ADAMTS15: variants seen among roughly 807,000 people sequenced by gnomAD.
ADAMTS15 encodes the protein ADAM metallopeptidase with thrombospondin type 1 motif 15.
ADAMTS15 carries 35 observed loss-of-function variants against 79.1 expected under a neutral mutation model. The observed-to-expected ratio is 0.44, with a 90% CI of 0.34 to 0.59. The LOEUF (loss-of-function observed/expected upper bound fraction) is 0.59. ADAMTS15 is among the 20% of genes least tolerant of loss of function. The pLI is 0.02. For missense variants in ADAMTS15, 1,324 were observed against 1,318.7 expected, an observed-to-expected ratio of 1.00 and a Z score of -0.06; for synonymous variants, 616 against 567.3, an observed-to-expected ratio of 1.09 and a Z score of -1.22.
rs1938507983 is a variant in ADAMTS15, at chr11:130,473,491, A to G, written c.2523A>G (p.Ala841=). 1.2e-5 allele frequency: 20 copies of G among 1,610,692 alleles called. No individual in the cohort carries two copies. The highest frequency in any genetic ancestry group is 1.7e-5 in the Non-Finnish European group (20 of 1,178,564). Residue 841 remains alanine, a synonymous_variant, in exon 8 of 8, where the codon GCA becomes GCG. Coordinates refer to ENST00000299164, the MANE Select transcript of ADAMTS15 (RefSeq NM_139055.4). ...AGCAGCCGGACGACAGGCCCCCTGC[A>G]CGCTGGGTGGCTGGCAGCTGGGGGC... is the stretch of plus-strand genomic sequence containing the variant. ...QVEQPDDRPP[A]RWVAGSWGPC...
Position 130,462,881 on chromosome 11 carries a change from C to T in ADAMTS15, c.1542+101C>T. The stretch of plus-strand genomic sequence containing the variant: ...GTCTTCACCAGGAAGGTGCCTATCA[C>T]AGACTGGCCACGGGACCAGCACTGT... On this transcript the variant is annotated intron_variant, in intron 4 of 7. Coordinates refer to ENST00000299164, the MANE Select transcript of ADAMTS15 (RefSeq NM_139055.4). This position sits in a 1 kb window ranked among gnomAD's most constrained non-coding sequence, Gnocchi z 4.3. 1 of 1,478,266 alleles carries T rather than the reference C, an allele frequency of 6.8e-7. No homozygotes were observed. Among genetic ancestry groups the T allele is most frequent in the African/African-American group, 1.4e-5 (1 of 71,586 alleles). The allele number at this position is 1,478,266 out of a possible 1,614,324, so 91.6% of individuals were successfully genotyped here. A position where few individuals can be genotyped will look rare whatever the true frequency, so the allele number is the denominator to read the frequency against.
chr11:130,455,211 A>G (rs558151750), intron 1 of ADAMTS15, among the ~76,000 whole-genome samples: 91 of 152,302 alleles, frequency 6.0e-4, no homozygotes, highest in African/African-American at 2.2e-3. Context: ...GCCCCCAGTT[A>G]TGGTAGTTAT....
At chr11:130,468,556 G>A (rs1284622629) in intron 4 of ADAMTS15, among the ~76,000 whole-genome samples, 1 of 152,002 alleles carries the variant, frequency 6.6e-6, no homozygotes, top group Admixed American at 6.6e-5. Flanking sequence ...ACGAGGTCAG[G>A]AGATCGAGAC....
At chr11:130,460,377 A>T (rs1039151100) in intron 1 of ADAMTS15, among the ~76,000 whole-genome samples, 1 of 151,846 alleles carries the variant, frequency 6.6e-6, no homozygotes, top group Admixed American at 6.6e-5. Flanking sequence ...CCCAGGTTCA[A>T]GCGATTCTCC....
chr11:130,459,025 GTTTT>G (rs757221690), intron 1 of ADAMTS15, among the ~76,000 whole-genome samples: 2 of 75,406 alleles, frequency 2.7e-5, no homozygotes, highest in East Asian at 3.9e-4. Flanking sequence ...CCTCCCAAGT[GTTTT>G]TTTTTTTTTT....
intron 5 of ADAMTS15, 75 bp from the exon 6 acceptor site, chr11:130,470,845 T>A: frequency 1.3e-6 from 2 of 1,500,296 alleles, no homozygotes; most frequent in Non-Finnish European, 1.8e-6. Flanking sequence ...CACGGCAGGC[T>A]GGGAGGGAGG....
chr11:130,464,834 G>A (rs1222102502), intron 4 of ADAMTS15, among the ~76,000 whole-genome samples: 3 of 152,188 alleles, frequency 2.0e-5, no homozygotes, highest in Non-Finnish European at 4.4e-5. Context: ...GGATGTGGTG[G>A]CAGATGCTTG....
chr11:130,454,154 A>G (rs1250162071), intron 1 of ADAMTS15, among the ~76,000 whole-genome samples: 2 of 152,082 alleles, frequency 1.3e-5, no homozygotes, highest in Non-Finnish European at 2.9e-5. Context: ...TTGCCTCTTC[A>G]TATCATTTGA....
rs1938479851 is a variant in ADAMTS15 at position 130,472,592 on chromosome 11, G to A, written c.2079-455G>A. 6.6e-6 allele frequency among the ~76,000 whole-genome samples: 1 copy of A among 152,156 alleles called. No individual in the cohort carries two copies. On this transcript the variant is annotated intron_variant, in intron 7 of 7. Transcript: ENST00000299164. The surrounding 1 kb of genome is among the most constrained non-coding windows in gnomAD (Gnocchi z 4.7). ...GGCGTGTGAGCCAGGCTGGATCTGC[G>A]TCCCTGCCTCCAGGGCCAGTGTCCT...
intron 1 of ADAMTS15, among the ~76,000 whole-genome samples, chr11:130,458,342 G>A (rs1272750455): frequency 3.9e-5 from 6 of 152,192 alleles, no homozygotes; most frequent in Non-Finnish European, 8.8e-5. Context: ...TTACAGGCCC[G>A]AGCCACTGCA....
chr11:130,452,720 C>T (rs139346013), intron 1 of ADAMTS15, among the ~76,000 whole-genome samples: 2 of 152,332 alleles, frequency 1.3e-5, no homozygotes, highest in East Asian at 1.9e-4. Context: ...CAGTGGCTCA[C>T]GCCTGTAATC....
Position 130,470,129 on chromosome 11 carries a change from T to C in ADAMTS15, c.1720+690T>C, listed in dbSNP as rs1414490983. Among the ~76,000 whole-genome samples the C allele has an allele frequency of 4.6e-5, 4 of 87,628 alleles. No individual in the cohort carries two copies. The Admixed American group carries it at 4.7e-4, about 10-fold the overall frequency. The allele number at this position is 87,628 out of a possible 152,430, so 57.5% of individuals were successfully genotyped here. A position where few individuals can be genotyped will look rare whatever the true frequency, so the allele number is the denominator to read the frequency against. On this transcript the variant is annotated intron_variant, in intron 5 of 7. Transcript: ENST00000299164. ...GGTTCATTACTGAATCATATATATA[T>C]ATACATATATATATATATATATGTG...
chr11:130,460,696 A>G (rs1364426481), intron 1 of ADAMTS15, among the ~76,000 whole-genome samples: 1 of 152,170 alleles, frequency 6.6e-6, no homozygotes, highest in Non-Finnish European at 1.5e-5. Flanking sequence ...AAGTTCTTTG[A>G]GATATCCACC....
chr11:130,461,779 C>T (rs1032619701), intron 2 of ADAMTS15, among the ~76,000 whole-genome samples, 158 bp downstream of exon 2: 1 of 152,150 alleles, frequency 6.6e-6, no homozygotes, highest in African/African-American at 2.4e-5. Flanking sequence ...TTTCCGATTG[C>T]CCCAGCCCCG....
At chr11:130,470,184 G>GTATATATATATATATA (rs1281455253) in intron 5 of ADAMTS15, among the ~76,000 whole-genome samples, 3 of 50,172 alleles carry the variant, frequency 6.0e-5, no homozygotes, top group Admixed American at 2.1e-4. Context: ...ATATATATGT[G>GTATATATATATATATA]TGTATATATA....
rs1455038982 is a variant in ADAMTS15, at chr11:130,462,213, G to A, written c.1217G>A (p.Cys406Tyr). 6.2e-7 allele frequency: 1 copy of A among 1,614,176 alleles called. No individual in the cohort carries two copies. The highest frequency in any genetic ancestry group is 1.7e-5 in the Admixed American group (1 of 60,024). The stretch of plus-strand genomic sequence containing the variant: ...GACCGTGCCAACCCCTGGTCAGCCT[G>A]CAGTGCTGCCATCATCACCGACTTC... ...QIDRANPWSACSAAIITDFLD... is the reference protein window; with the variant it reads ...QIDRANPWSAYSAAIITDFLD... The change falls in exon 3 of 8, where the codon TGC (cysteine) becomes TAC (tyrosine). Residue 406 changes from cysteine (C) to tyrosine (Y), a missense_variant. Cys to Tyr is a radical substitution (Grantham distance 194). Coordinates refer to ENST00000299164, the MANE Select transcript of ADAMTS15 (RefSeq NM_139055.4). This position sits in a 1 kb window ranked among gnomAD's most constrained non-coding sequence, Gnocchi z 4.3.
At chr11:130,466,371 G>A (rs1256523843) in intron 4 of ADAMTS15, among the ~76,000 whole-genome samples, 3 of 152,174 alleles carry the variant, frequency 2.0e-5, no homozygotes, top group South Asian at 4.2e-4. Context: ...GAATCTGGAC[G>A]TGTCCATTGG....
intron 1 of ADAMTS15, among the ~76,000 whole-genome samples, chr11:130,454,030 C>G (rs990032028): frequency 1.1e-4 from 17 of 152,202 alleles, no homozygotes; most frequent in African/African-American, 4.1e-4. Context: ...GTTGCCCAGG[C>G]TGGTCTCAAA....
chr11:130,462,104 C>G lies in ADAMTS15; in HGVS notation c.1108C>G (p.Pro370Ala). 6.2e-7 allele frequency: 1 copy of G among 1,613,688 alleles called. No homozygotes were observed. Among genetic ancestry groups the G allele is most frequent in the Non-Finnish European group, 8.5e-7 (1 of 1,179,756 alleles). ...CCCCACAGGCCACGTGTTCAACATG[C>G]CCCATGACAATGTGAAAGTCTGTGA... ...AHELGHVFNMPHDNVKVCEEV... is the reference protein window; with the variant it reads ...AHELGHVFNMAHDNVKVCEEV... The change falls in exon 3 of 8, where the codon CCC becomes GCC. Residue 370 changes from proline to alanine, a missense_variant. Coordinates refer to ENST00000299164, the MANE Select transcript of ADAMTS15 (RefSeq NM_139055.4). The surrounding 1 kb of genome is among the most constrained non-coding windows in gnomAD (Gnocchi z 4.3).
Sources: allele counts gnomAD v4.1 joint callset (sites outside exome capture counted in the v4.1 genomes callset), GRCh38; gene constraint gnomAD v4.1.1; non-coding constraint Gnocchi (gnomAD v3.1); transcripts MANE v1.5; gene names NCBI Gene and HGNC (gene_info 2026-07-23, HGNC 2026-07-21).